C2CD3: variants seen among roughly 807,000 people sequenced by gnomAD.
The protein encoded by C2CD3 is C2 domain-containing protein 3.
C2CD3 carries 148 observed loss-of-function variants against 234.0 expected under a neutral mutation model. That is an observed-to-expected ratio of 0.63 (90% CI 0.55 to 0.72). The LOEUF is 0.72. C2CD3 is among the 30% of genes least tolerant of loss of function. The pLI is 0.00. For synonymous variants in C2CD3, 1,000 were observed against 1,035.4 expected (o/e 0.97, Z 0.66); for missense variants, 2,577 against 2,811.5 (o/e 0.92, Z 1.89).
chr11:74,135,610 C>T (rs1957837282), intron 5 of C2CD3, among the ~76,000 whole-genome samples: 1 of 152,134 alleles, frequency 6.6e-6, no homozygotes, highest in Admixed American at 6.5e-5. Context: ...TGGGGAAGAA[C>T]AGGATCCTGC....
At chr11:74,044,954 T>A (rs537081241) in intron 28 of C2CD3, among the ~76,000 whole-genome samples, 1 of 152,206 alleles carries the variant, frequency 6.6e-6, no homozygotes, top group East Asian at 1.9e-4. Flanking sequence ...TTTTCTTTTG[T>A]TATTTGTGCT....
chr11:74,059,238 G>A (rs985252269), intron 24 of C2CD3, among the ~76,000 whole-genome samples: 3 of 151,542 alleles, frequency 2.0e-5, no homozygotes, highest in Admixed American at 6.6e-5. Flanking sequence ...GTGAAACCCC[G>A]TCTCTACTAA....
chr11:74,078,135 G>A lies in C2CD3; in HGVS notation c.4583C>T (p.Ala1528Val), dbSNP rs200529117. 2.0e-5 allele frequency: 32 copies of A among 1,613,434 alleles called. 1 individual carries two copies. Among genetic ancestry groups the A allele is most frequent in the Middle Eastern group, 3.3e-4 (2 of 6,076 alleles). The change falls in exon 23 of 33, where the codon GCG (alanine) becomes GTG (valine). Residue 1528 changes from alanine to valine, a missense_variant. Ala to Val is a moderately conservative substitution (Grantham distance 64, BLOSUM62 0). Transcript: ENST00000334126. The part of the protein sequence containing the change: ...VDLARLGERS[A>V]RTLTVSGVYP... ...CTTACCACTGACAGTTAGCGTCCTC[G>A]CTGACCTCTCCCCAAGTCTGGCCAG...
In C2CD3 at chr11:74,033,397, G is replaced by A. The variant is rs1435828972; in HGVS notation, c.6763C>T (p.Gln2255Ter). ...GACGTCTCTGATCCAGTTGTCACCT[G>A]CCTCTGCCTGATGTCAGAGGAGTCG... Reference protein sequence around the residue: ...PIDSSDIRQRQVTTGSETSTK... With the variant: ...PIDSSDIRQR Residue 2255 changes from glutamine (Q) to a stop codon, truncating the protein, a stop_gained, in exon 31 of 33, where the codon CAG (glutamine) becomes TAG (stop). Coordinates refer to ENST00000334126, the MANE Select transcript of C2CD3 (RefSeq NM_001286577.2). LOFTEE classifies it high-confidence loss of function. 2 of 1,536,154 alleles carry A rather than the reference G, an allele frequency of 1.3e-6. No homozygotes were observed. The highest frequency in any genetic ancestry group is 2.0e-5 in the Admixed American group (1 of 51,000).
chr11:74,080,985 G>T (rs1295240994), intron 22 of C2CD3, among the ~76,000 whole-genome samples: 2 of 152,080 alleles, frequency 1.3e-5, no homozygotes, highest in African/African-American at 4.8e-5. Context: ...CTCTCTGGCA[G>T]GCACATACAC....
chr11:74,042,204 C>T lies in C2CD3; in HGVS notation c.5510G>A (p.Arg1837Lys), dbSNP rs1414946567. 2 of 1,528,668 alleles carry T rather than the reference C, an allele frequency of 1.3e-6. No individual in the cohort carries two copies. The highest frequency in any genetic ancestry group is 2.3e-5 in the East Asian group (1 of 43,218). The allele number at this position is 1,528,668 out of a possible 1,614,324, so 94.7% of individuals were successfully genotyped here. A position where few individuals can be genotyped will look rare whatever the true frequency, so the allele number is the denominator to read the frequency against. ...FSSPGRSDTT[R>K]SQASRHEEHV... Reference sequence around the variant, plus strand: ...CTCTTCATGGCGTGATGCTTGGCTTCTTGTGGTATCACTTCTGTCAAAAAA... The same window carrying T: ...CTCTTCATGGCGTGATGCTTGGCTTTTTGTGGTATCACTTCTGTCAAAAAA... The change falls in exon 29 of 33, where the codon AGA becomes AAA. Residue 1837 changes from arginine to lysine, a missense_variant. Physicochemically the swap from Arg to Lys is conservative, Grantham distance 26. Coordinates refer to ENST00000334126, the MANE Select transcript of C2CD3 (RefSeq NM_001286577.2).
chr11:74,124,268 T>C (rs1227490940), intron 7 of C2CD3, among the ~76,000 whole-genome samples: 3 of 152,196 alleles, frequency 2.0e-5, no homozygotes, highest in Non-Finnish European at 2.9e-5. Flanking sequence ...TGCTATACTT[T>C]TTTCCTTAAT....
intron 8 of C2CD3, among the ~76,000 whole-genome samples, chr11:74,121,608 CAAAAAAAAAAA>C (rs369249513): frequency 3.2e-5 from 2 of 62,184 alleles, no homozygotes; most frequent in Non-Finnish European, 7.7e-5. Context: ...GACTCCGTCT[CAAAAAAAAAAA>C]AAAAAAAAAA....
chr11:74,095,124 A>T, intron 17 of C2CD3, 104 bp downstream of exon 17: 1 of 708,076 alleles, frequency 1.4e-6, no homozygotes. Flanking sequence ...CAGTAAGACT[A>T]GAAATATTCA....
chr11:74,107,047 C>T lies in C2CD3; in HGVS notation c.1963-554G>A, dbSNP rs1962481. 8.5e-3 allele frequency among the ~76,000 whole-genome samples: 1,287 copies of T among 152,240 alleles called. 10 individuals are homozygous for T. Among genetic ancestry groups the T allele is most frequent in the African/African-American group, 0.029 (1,187 of 41,534 alleles). Reference sequence around the variant, plus strand: ...CTAAAGAAATAATAAATAGGCTGGGCGCGGTGGCCCATGCCTGTAATCCCA... The same window carrying T: ...CTAAAGAAATAATAAATAGGCTGGGTGCGGTGGCCCATGCCTGTAATCCCA... On this transcript the variant is annotated intron_variant, in intron 12 of 32. Coordinates refer to ENST00000334126, the MANE Select transcript of C2CD3 (RefSeq NM_001286577.2).
chr11:74,042,360 C>CT lies in C2CD3; in HGVS notation c.5496-143dup, dbSNP rs141084796. The CT allele has an allele frequency of 4.8e-3, 3,985 of 830,764 alleles. 118 individuals carry two copies. In the African/African-American group the frequency reaches 0.063, roughly 13 times the overall value. 51.5% of individuals were successfully genotyped at this position (830,764 alleles called of 1,614,324 possible). A position where few individuals can be genotyped will look rare whatever the true frequency, so the allele number is the denominator to read the frequency against. On this transcript the variant is annotated intron_variant, in intron 28 of 32. Coordinates refer to ENST00000334126, the MANE Select transcript of C2CD3 (RefSeq NM_001286577.2). ...ACTATCACAGTTCTGGCCTTATCAT[C>CT]TCTTGCTTGGATTATAAATGTCTCC... is the stretch of plus-strand genomic sequence containing the variant.
rs1319816679 is a variant in C2CD3 at position 74,170,839 on chromosome 11, C to A, written c.-47G>T. On this transcript the variant is annotated 5_prime_UTR_variant, in exon 1 of 33. In the 5' UTR this introduces an upstream ATG that the reference lacks. Coordinates refer to ENST00000334126, the MANE Select transcript of C2CD3 (RefSeq NM_001286577.2). ...ACCAGCTCAACTCCGTCTCCAGCAC[C>A]TAAGCAGTATCCTCCCGCCATCCCT... 6.2e-7 allele frequency: 1 copy of A among 1,613,264 alleles called. No individual in the cohort carries two copies. The highest frequency in any genetic ancestry group is 8.5e-7 in the Non-Finnish European group (1 of 1,179,586).
rs374144478 is a variant in C2CD3, at chr11:74,114,585, A to G, written c.1529T>C (p.Val510Ala). Residue 510 changes from valine to alanine, a missense_variant, in exon 10 of 33, where the codon GTT becomes GCT. Coordinates refer to ENST00000334126, the MANE Select transcript of C2CD3 (RefSeq NM_001286577.2). ...RSAGKRNRNLVEQQMLSETPE... is the reference protein window; with the variant it reads ...RSAGKRNRNLAEQQMLSETPE... ...AGTTTCTGAGAGCATCTGTTGTTCA[A>G]CCAAATTTCTGAAAGGAGTTCACAC... is the stretch of plus-strand genomic sequence containing the variant. The G allele has an allele frequency of 2.2e-5, 36 of 1,612,870 alleles. No individual in the cohort carries two copies. Among genetic ancestry groups the G allele is most frequent in the Non-Finnish European group, 2.9e-5 (34 of 1,178,982 alleles).
At chr11:74,097,907 T>C in intron 16 of C2CD3, 102 bp downstream of exon 16, 1 of 1,175,234 alleles carries the variant, frequency 8.5e-7, no homozygotes, top group Non-Finnish European at 1.2e-6. Flanking sequence ...GTTCTTTTGT[T>C]GAGCCTTTCA....
At chr11:74,156,295 C>CA (rs1369764477) in intron 3 of C2CD3, among the ~76,000 whole-genome samples, 2 of 150,848 alleles carry the variant, frequency 1.3e-5, no homozygotes, top group Non-Finnish European at 3.0e-5. Context: ...AATTAACAAA[C>CA]AAAAAAACAA....
intron 28 of C2CD3, 88 bp downstream of exon 28, chr11:74,048,117 C>G: frequency 7.2e-7 from 1 of 1,387,590 alleles, no homozygotes; most frequent in Non-Finnish European, 9.8e-7. Flanking sequence ...GTTTTTTCCT[C>G]TAATAAAGGA....
intron 24 of C2CD3, among the ~76,000 whole-genome samples, chr11:74,063,737 C>T (rs1214710971): frequency 6.6e-6 from 1 of 152,130 alleles, no homozygotes; most frequent in Non-Finnish European, 1.5e-5. Flanking sequence ...CCCTCTCTCA[C>T]CACTCCTATT....
intron 3 of C2CD3, among the ~76,000 whole-genome samples, chr11:74,150,361 G>A (rs143915348): frequency 6.6e-6 from 1 of 151,112 alleles, no homozygotes; most frequent in Non-Finnish European, 1.5e-5. Flanking sequence ...GGTGGTACAT[G>A]CCTGTAATCC....
chr11:74,092,614 T>C, intron 18 of C2CD3, 26 bp from the exon 19 acceptor site: 1 of 1,590,994 alleles, frequency 6.3e-7, no homozygotes, highest in Non-Finnish European at 8.6e-7. Flanking sequence ...GCACACGTTG[T>C]CAGAAGAATT....
Sources: allele counts gnomAD v4.1 joint callset (sites outside exome capture counted in the v4.1 genomes callset), GRCh38; gene constraint gnomAD v4.1.1; transcripts MANE v1.5; gene names NCBI Gene and HGNC (gene_info 2026-07-23, HGNC 2026-07-21).